XDH: variants seen among roughly 807,000 people sequenced by gnomAD.
XDH encodes xanthine dehydrogenase, also known as xanthine dehydrogenase/oxidase.
XDH carries 138 observed loss-of-function variants against 156.1 expected under a neutral mutation model. The ratio of observed to expected loss-of-function variants is 0.88; its 90% CI spans 0.77 to 1.02. The LOEUF (loss-of-function observed/expected upper bound fraction) is 1.02, where lower values mean the gene tolerates loss of function less well. Ranked by LOEUF, XDH falls within the 50% of genes least tolerant of loss-of-function variation. The pLI, the probability that XDH is intolerant of heterozygous loss-of-function variation, is 0.00. For synonymous variants in XDH, 669 were observed against 625.7 expected, an observed-to-expected ratio of 1.07 and a Z score of -1.03; for missense variants, 1,849 against 1,684.9, an observed-to-expected ratio of 1.10 and a Z score of -1.71.
intron 1 of XDH, among the ~76,000 whole-genome samples, chr2:31,406,669 C>T (rs1184761732): frequency 6.6e-6 from 1 of 152,214 alleles, no homozygotes; most frequent in Admixed American, 6.5e-5. Flanking sequence ...AAGGCCAAAT[C>T]CCCTTCAAAT....
intron 4 of XDH, among the ~76,000 whole-genome samples, chr2:31,398,949 G>A (rs1488942665): frequency 2.6e-5 from 4 of 152,220 alleles, no homozygotes; most frequent in Non-Finnish European, 5.9e-5. Flanking sequence ...AGGATTAACT[G>A]AGATATTCAT....
chr2:31,411,791 C>A (rs988824815), intron 1 of XDH, among the ~76,000 whole-genome samples: 2 of 152,230 alleles, frequency 1.3e-5, no homozygotes, highest in African/African-American at 4.8e-5. Context: ...GAAGGTATTA[C>A]TTTGTCTAAT....
Position 31,396,004 on chromosome 2 carries a change from C to T in XDH, c.495+1664G>A, listed in dbSNP as rs147815214. 5.9e-5 allele frequency among the ~76,000 whole-genome samples: 9 copies of T among 152,324 alleles called. No homozygotes were observed. In the East Asian group the frequency reaches 1.2e-3, roughly 20 times the overall value. ...GCCCACCTCTAGTTGACCCTCCACACGCTTTCTAGTGTGTGCTGTGGACAG... is the reference window on the plus strand; with the variant it reads ...GCCCACCTCTAGTTGACCCTCCACATGCTTTCTAGTGTGTGCTGTGGACAG... On this transcript the variant is annotated intron_variant, in intron 6 of 35. Coordinates refer to ENST00000379416, the MANE Select transcript of XDH (RefSeq NM_000379.4).
intron 15 of XDH, among the ~76,000 whole-genome samples, chr2:31,374,788 C>G (rs982700914): frequency 6.6e-6 from 1 of 152,078 alleles, no homozygotes; most frequent in African/African-American, 2.4e-5. Context: ...CTGAGCTGCC[C>G]CCTAGCACCT....
chr2:31,412,230 T>C (rs990153229), intron 1 of XDH, among the ~76,000 whole-genome samples: 2 of 152,158 alleles, frequency 1.3e-5, no homozygotes, highest in Admixed American at 6.5e-5. Flanking sequence ...AAAGAAGATG[T>C]GAATGAAAAC....
At chr2:31,336,491 C>A (rs140634762) in intron 35 of XDH, among the ~76,000 whole-genome samples, 98 of 152,144 alleles carry the variant, frequency 6.4e-4, no homozygotes, top group African/African-American at 2.2e-3. Context: ...ATGCCACCCA[C>A]TCCTCTCAGG....
At chr2:31,405,510 T>G (rs1256369727) in intron 2 of XDH, among the ~76,000 whole-genome samples, 1 of 152,192 alleles carries the variant, frequency 6.6e-6, no homozygotes, top group Admixed American at 6.5e-5. Flanking sequence ...CTTGCTTCCC[T>G]CCACCTAGGC....
At position 31,387,991 on chromosome 2, in the gene XDH, C is replaced by T. The variant is rs1572556100; in HGVS notation, c.565-94G>A. 4.3e-6 allele frequency: 6 copies of T among 1,387,792 alleles called. No homozygotes were observed. The East Asian group carries it at 1.0e-4, about 23-fold the overall frequency. The allele number at this position is 1,387,792 out of a possible 1,614,324, so 86.0% of individuals were successfully genotyped here. On this transcript the variant is annotated intron_variant, in intron 7 of 35. Transcript: ENST00000379416. ...AGCCTTTCCTTCCAGCAAGCTCATTCCCAGCCCCCTGCAGGCTGCAAGAGG... is the reference window on the plus strand; with the variant it reads ...AGCCTTTCCTTCCAGCAAGCTCATTTCCAGCCCCCTGCAGGCTGCAAGAGG...
intron 1 of XDH, among the ~76,000 whole-genome samples, chr2:31,409,617 T>G (rs938573189): frequency 4.6e-5 from 7 of 152,064 alleles, no homozygotes; most frequent in Non-Finnish European, 8.8e-5. Context: ...TCTCCAAAGA[T>G]CTACAAATGG....
Position 31,386,527 on chromosome 2 carries a change from A to G in XDH, c.680T>C (p.Leu227Pro). Residue 227 changes from leucine (L) to proline (P), a missense_variant, in exon 9 of 36, where the codon CTG becomes CCG. Physicochemically the swap from Leu to Pro is moderately conservative, Grantham distance 98. Transcript: ENST00000379416. The stretch of plus-strand genomic sequence containing the variant: ...CGTCACACGCTCCCCTTCAAATCGC[A>G]GCTGCTTCCGAGGAGTGTCTTTCAG... ...LRLKDTPRKQ[L>P]RFEGERVTWI... 3 of 1,614,086 alleles carry G rather than the reference A, an allele frequency of 1.9e-6. No individual in the cohort carries two copies. Among genetic ancestry groups the G allele is most frequent in the East Asian group, 2.2e-5 (1 of 44,876 alleles).
chr2:31,383,278 G>A, intron 10 of XDH, 126 bp from the exon 11 acceptor site: 1 of 1,463,384 alleles, frequency 6.8e-7, no homozygotes. Flanking sequence ...GCTTTCCATG[G>A]ATGAGGAAAT....
chr2:31,378,185 A>T (rs13420013), intron 13 of XDH, among the ~76,000 whole-genome samples: 8,149 of 94,152 alleles, frequency 0.087, 1,178 homozygotes, highest in African/African-American at 0.28. Context: ...GAAGCAAGCA[A>T]GCAAGCAAAG....
At chr2:31,403,430 G>A (rs1489328985) in intron 2 of XDH, among the ~76,000 whole-genome samples, 1 of 152,134 alleles carries the variant, frequency 6.6e-6, no homozygotes, top group Non-Finnish European at 1.5e-5. Context: ...TCTAGGACTG[G>A]TCAGTCCTAG....
At chr2:31,357,079 G>T (rs1255474443) in intron 24 of XDH, among the ~76,000 whole-genome samples, 1 of 152,078 alleles carries the variant, frequency 6.6e-6, no homozygotes, top group Admixed American at 6.6e-5. Context: ...AAACTTATGG[G>T]ACCTGTCTAA....
chr2:31,341,405 C>G lies in XDH; in HGVS notation c.3520-11G>C. On this transcript the variant is annotated splice_polypyrimidine_tract_variant and intron_variant, in intron 32 of 35. Coordinates refer to ENST00000379416, the MANE Select transcript of XDH (RefSeq NM_000379.4). ...ATCTGTGCGGAGGTTCTAGAGTAGA[C>G]AGCAAAATTACAAGAAGTTAGAGGA... 1 of 1,569,844 alleles carries G rather than the reference C, an allele frequency of 6.4e-7. No homozygotes were observed. Among genetic ancestry groups the G allele is most frequent in the Non-Finnish European group, 8.7e-7 (1 of 1,154,644 alleles).
chr2:31,367,336 G>A (rs1489683228), intron 20 of XDH, among the ~76,000 whole-genome samples: 1 of 152,226 alleles, frequency 6.6e-6, no homozygotes, highest in East Asian at 1.9e-4. Context: ...TAATAGATGT[G>A]ATTGAAACAC....
chr2:31,381,822 G>T (rs765396048), intron 11 of XDH, 96 bp from the exon 12 acceptor site: 4 of 1,106,380 alleles, frequency 3.6e-6, no homozygotes, highest in Non-Finnish European at 4.0e-6. Flanking sequence ...GACACCTGCT[G>T]CAGGCAAACC....
intron 5 of XDH, 135 bp from the exon 6 acceptor site, chr2:31,397,864 T>A (rs1193820706): frequency 1.1e-6 from 1 of 941,024 alleles, no homozygotes; most frequent in Non-Finnish European, 1.7e-6. Context: ...CTGGAAGGCC[T>A]CTTGGCCTTC....
At chr2:31,348,074 T>C (rs1685350529) in intron 28 of XDH, among the ~76,000 whole-genome samples, 194 bp downstream of exon 28, 2 of 152,242 alleles carry the variant, frequency 1.3e-5, no homozygotes, top group African/African-American at 4.8e-5. Flanking sequence ...AGAGGTCACC[T>C]GGCCAACTCC....
Sources: gnomAD v4.1 joint callset for allele counts (sites outside exome capture counted in the v4.1 genomes callset) on GRCh38, gnomAD v4.1.1 for gene constraint, MANE v1.5 for transcripts, NCBI Gene and HGNC (gene_info 2026-07-23, HGNC 2026-07-21) for gene names.